Variants in CSMD1 observed in about 807,000 individuals in gnomAD.
CSMD1 encodes CUB and sushi domain-containing protein 1.
CSMD1 carries 213 observed loss-of-function variants against 417.5 expected under a neutral mutation model. That is an observed-to-expected ratio of 0.51 (90% CI 0.46 to 0.57). CSMD1 has a LOEUF of 0.57. Ranked by LOEUF, CSMD1 falls within the 20% of genes least tolerant of loss-of-function variation. CSMD1 has a pLI of 0.00. For synonymous variants in CSMD1, 2,862 were observed against 1,736.8 expected, an observed-to-expected ratio of 1.65 and a Z score of -16.11; for missense variants, 6,923 against 4,529.7, an observed-to-expected ratio of 1.53 and a Z score of -15.17.
intron 7 of CSMD1, among the ~76,000 whole-genome samples, chr8:3,625,715 T>G (rs770287741): frequency 6.6e-6 from 1 of 152,196 alleles, no homozygotes; most frequent in Admixed American, 6.5e-5. Context: ...AATTCAGTCA[T>G]TCAACATTAT....
intron 2 of CSMD1, among the ~76,000 whole-genome samples, chr8:4,564,984 G>A (rs901395104): frequency 2.0e-5 from 3 of 152,058 alleles, no homozygotes; most frequent in African/African-American, 7.2e-5. Context: ...CCTTGGCATG[G>A]GGAACCCTTG....
rs141187708 is a variant in CSMD1, at chr8:4,388,418, T to C, written c.415+31535A>G. ...GGCATTTGCAGAGACCTGGATGACA[T>C]TGGAGACTATTTTTCTAAGTGAAGT... On this transcript the variant is annotated intron_variant, in intron 3 of 69. Coordinates refer to ENST00000635120, the MANE Select transcript of CSMD1 (RefSeq NM_033225.6). Among the ~76,000 whole-genome samples the C allele has an allele frequency of 9.8e-4, 149 of 151,860 alleles. 1 individual carries two copies. The highest frequency in any genetic ancestry group is 7.2e-3 in the East Asian group (37 of 5,152).
intron 4 of CSMD1, among the ~76,000 whole-genome samples, chr8:4,008,800 C>T (rs987650538): frequency 3.3e-5 from 5 of 151,378 alleles, no homozygotes; most frequent in African/African-American, 9.7e-5. Context: ...TTGGTAGAGA[C>T]GGGATTTCAA....
chr8:3,909,338 G>A (rs1373073189), intron 5 of CSMD1, among the ~76,000 whole-genome samples: 1 of 152,122 alleles, frequency 6.6e-6, no homozygotes, highest in Non-Finnish European at 1.5e-5. Context: ...GGGCATCCTT[G>A]CTGGGAAATG....
At chr8:4,794,206 T>G (rs1797852388) in intron 1 of CSMD1, among the ~76,000 whole-genome samples, 1 of 149,496 alleles carries the variant, frequency 6.7e-6, no homozygotes, top group South Asian at 2.2e-4. Flanking sequence ...TTTTAACAGG[T>G]CACTTGGATC....
chr8:4,490,201 C>T (rs1801632559), intron 2 of CSMD1, among the ~76,000 whole-genome samples: 1 of 152,018 alleles, frequency 6.6e-6, no homozygotes, highest in African/African-American at 2.4e-5. Flanking sequence ...CCACTGCAGC[C>T]AGCTAATTTT....
intron 2 of CSMD1, among the ~76,000 whole-genome samples, chr8:4,582,069 C>T (rs1328521967): frequency 6.7e-6 from 1 of 149,732 alleles, no homozygotes. Context: ...CGTTCCGAGC[C>T]TCTTTTTTTT....
chr8:3,001,943 GA>G (rs144774376), intron 52 of CSMD1, among the ~76,000 whole-genome samples: 5,870 of 152,260 alleles, frequency 0.039, 391 homozygotes, highest in African/African-American at 0.13. Context: ...ACAAAGTTTA[GA>G]AACATTGTGT....
At chr8:3,332,123 G>T (rs1428026753) in intron 23 of CSMD1, among the ~76,000 whole-genome samples, 1 of 152,212 alleles carries the variant, frequency 6.6e-6, no homozygotes, top group Non-Finnish European at 1.5e-5. Flanking sequence ...GATAGATGAT[G>T]ACAGGTATGA....
At chr8:4,387,197 G>C (rs921744097) in intron 3 of CSMD1, among the ~76,000 whole-genome samples, 5 of 152,180 alleles carry the variant, frequency 3.3e-5, no homozygotes, top group South Asian at 4.1e-4. Flanking sequence ...GGAGGTATCT[G>C]AGTGTCACTC....
At chr8:3,701,330 C>T (rs1800853203) in intron 7 of CSMD1, among the ~76,000 whole-genome samples, 1 of 151,990 alleles carries the variant, frequency 6.6e-6, no homozygotes, top group South Asian at 2.1e-4. Context: ...TCATGGTAGC[C>T]CTATTCATGA....
intron 50 of CSMD1, among the ~76,000 whole-genome samples, chr8:3,048,754 T>C (rs2128987555): frequency 6.6e-6 from 1 of 151,308 alleles, no homozygotes; most frequent in African/African-American, 2.4e-5. Flanking sequence ...AAAATTAAAG[T>C]CCTCAGCTCT....
At chr8:4,900,726 A>T (rs1585291501) in intron 1 of CSMD1, among the ~76,000 whole-genome samples, 2 of 152,148 alleles carry the variant, frequency 1.3e-5, no homozygotes, top group East Asian at 3.9e-4. Flanking sequence ...TCTTCCACTC[A>T]CGGAGTTAAC....
chr8:4,290,308 T>C (rs1026732598), intron 3 of CSMD1, among the ~76,000 whole-genome samples: 1 of 152,056 alleles, frequency 6.6e-6, no homozygotes, highest in African/African-American at 2.4e-5. Flanking sequence ...GATGTGAAAT[T>C]TCAGATGGTC....
chr8:4,071,932 G>A (rs562126079), intron 3 of CSMD1, among the ~76,000 whole-genome samples: 4 of 152,282 alleles, frequency 2.6e-5, no homozygotes, highest in Admixed American at 2.6e-4. Context: ...AGTCTGGGCA[G>A]AACCTGCAGC....
intron 2 of CSMD1, among the ~76,000 whole-genome samples, chr8:4,621,824 G>T (rs1563342152): frequency 6.6e-6 from 1 of 151,988 alleles, no homozygotes; most frequent in African/African-American, 2.4e-5. Context: ...AAAATCTAGT[G>T]TACCTTACGA....
At chr8:3,748,378 G>C (rs1013127823) in intron 6 of CSMD1, among the ~76,000 whole-genome samples, 13 of 152,052 alleles carry the variant, frequency 8.5e-5, no homozygotes, top group African/African-American at 3.1e-4. Context: ...TCAAATACAA[G>C]ATAGCAAGGG....
At chr8:3,397,681 C>G (rs1026009238) in intron 16 of CSMD1, among the ~76,000 whole-genome samples, 3 of 152,130 alleles carry the variant, frequency 2.0e-5, no homozygotes, top group Admixed American at 6.5e-5. Context: ...AAAGCAATCT[C>G]CTTTGACATA....
chr8:4,605,398 G>C (rs1022112745), intron 2 of CSMD1, among the ~76,000 whole-genome samples: 5 of 152,106 alleles, frequency 3.3e-5, no homozygotes, highest in African/African-American at 7.2e-5. Context: ...TATAGATAAA[G>C]AATTGGAGGA....
Sources: allele counts gnomAD v4.1 joint callset (sites outside exome capture counted in the v4.1 genomes callset), GRCh38; gene constraint gnomAD v4.1.1; transcripts MANE v1.5; gene names NCBI Gene and HGNC (gene_info 2026-07-23, HGNC 2026-07-21).